PTPRJ: variants seen among roughly 807,000 people sequenced by gnomAD.
PTPRJ encodes protein tyrosine phosphatase receptor type J, also known as receptor-type tyrosine-protein phosphatase eta.
Under a neutral mutation model 141.3 loss-of-function variants are expected in PTPRJ, and 129 were observed. The observed-to-expected ratio is 0.91, with a 90% CI of 0.79 to 1.06. The LOEUF (loss-of-function observed/expected upper bound fraction) is 1.06, where lower values mean the gene tolerates loss of function less well. PTPRJ is among the 50% of genes least tolerant of loss of function. The probability of loss-of-function intolerance (pLI) is 0.00; values close to 1 mark genes in which losing one functional copy is unlikely to be tolerated. For synonymous variants in PTPRJ, 610 were observed against 640.5 expected (o/e 0.95, Z 0.72); for missense variants, 1,601 against 1,679.7 (o/e 0.95, Z 0.82).
At chr11:48,067,418 G>A (rs1169539609) in intron 1 of PTPRJ, among the ~76,000 whole-genome samples, 2 of 152,230 alleles carry the variant, frequency 1.3e-5, no homozygotes, top group African/African-American at 4.8e-5. Flanking sequence ...AGGACCTGGA[G>A]ATAGGATGTG....
At chr11:48,155,140 A>G (rs1857571394) in intron 19 of PTPRJ, among the ~76,000 whole-genome samples, 1 of 152,210 alleles carries the variant, frequency 6.6e-6, no homozygotes, top group African/African-American at 2.4e-5. Flanking sequence ...AATAATATTT[A>G]TAAAACATAA....
intron 7 of PTPRJ, among the ~76,000 whole-genome samples, chr11:48,128,652 G>A (rs1856899088): frequency 6.6e-6 from 1 of 152,154 alleles, no homozygotes; most frequent in Admixed American, 6.5e-5. Context: ...ACTGCATTTT[G>A]CACTGTGCCA....
chr11:47,990,933 C>T (rs1352233071), intron 1 of PTPRJ, among the ~76,000 whole-genome samples: 1 of 152,044 alleles, frequency 6.6e-6, no homozygotes, highest in Non-Finnish European at 1.5e-5. Flanking sequence ...CCCGCCTCAG[C>T]CTCCCAAAGT....
intron 1 of PTPRJ, among the ~76,000 whole-genome samples, chr11:48,054,896 C>T (rs1311293098): frequency 2.0e-5 from 3 of 151,134 alleles, no homozygotes; most frequent in African/African-American, 7.3e-5. Context: ...TATATAAAGC[C>T]GCTGGCAGCC....
chr11:48,109,874 C>T (rs1427691227), intron 1 of PTPRJ, among the ~76,000 whole-genome samples, 184 bp from the exon 2 acceptor site: 5 of 152,150 alleles, frequency 3.3e-5, no homozygotes, highest in South Asian at 2.1e-4. Context: ...TAATTGACCC[C>T]GAGGTTGCAA....
At chr11:48,044,228 G>A (rs1854336459) in intron 1 of PTPRJ, among the ~76,000 whole-genome samples, 1 of 152,226 alleles carries the variant, frequency 6.6e-6, no homozygotes, top group Non-Finnish European at 1.5e-5. Flanking sequence ...TGAGGCGTAT[G>A]TGCTTCATAT....
chr11:48,115,106 G>A (rs1856532657), intron 3 of PTPRJ, among the ~76,000 whole-genome samples: 1 of 152,084 alleles, frequency 6.6e-6, no homozygotes, highest in Admixed American at 6.5e-5. Flanking sequence ...TTCATCTAGG[G>A]GAAGAGAAAG....
chr11:48,068,803 C>G (rs546308194), intron 1 of PTPRJ, among the ~76,000 whole-genome samples: 1 of 152,338 alleles, frequency 6.6e-6, no homozygotes, highest in Non-Finnish European at 1.5e-5. Context: ...CCTCTCCTCC[C>G]TAATCCTCAC....
chr11:48,029,722 T>G (rs567541255), intron 1 of PTPRJ, among the ~76,000 whole-genome samples: 1 of 149,136 alleles, frequency 6.7e-6, no homozygotes, highest in African/African-American at 2.6e-5. Flanking sequence ...AGGTTAGATT[T>G]ATGGGTTTTT....
intron 1 of PTPRJ, among the ~76,000 whole-genome samples, chr11:48,094,304 C>T (rs765790822): frequency 5.3e-5 from 8 of 152,212 alleles, no homozygotes; most frequent in Non-Finnish European, 1.0e-4. Context: ...TTGCCAAAAC[C>T]ACCTTGCTGG....
intron 1 of PTPRJ, among the ~76,000 whole-genome samples, chr11:48,081,436 A>T (rs1374610627): frequency 1.3e-5 from 2 of 152,076 alleles, no homozygotes; most frequent in Non-Finnish European, 2.9e-5. Flanking sequence ...GGAGGAGAGG[A>T]AGCTCCATGT....
At chr11:48,160,355 T>C (rs551953443) in intron 22 of PTPRJ, among the ~76,000 whole-genome samples, 1 of 152,320 alleles carries the variant, frequency 6.6e-6, no homozygotes, top group South Asian at 2.1e-4. Context: ...GCTCATAGAT[T>C]TTACAGAACA....
chr11:47,996,414 A>G (rs1157935483), intron 1 of PTPRJ, among the ~76,000 whole-genome samples: 1 of 151,686 alleles, frequency 6.6e-6, no homozygotes, highest in Non-Finnish European at 1.5e-5. Flanking sequence ...GTCCAGTTCC[A>G]TGCTCTTCCC....
At chr11:48,021,896 C>A (rs1403836584) in intron 1 of PTPRJ, among the ~76,000 whole-genome samples, 1 of 152,108 alleles carries the variant, frequency 6.6e-6, no homozygotes, top group Non-Finnish European at 1.5e-5. Flanking sequence ...ATTGCCATTC[C>A]TGACCTAAGG....
chr11:48,018,876 G>C (rs1370158622), intron 1 of PTPRJ, among the ~76,000 whole-genome samples: 1 of 152,220 alleles, frequency 6.6e-6, no homozygotes, highest in East Asian at 1.9e-4. Context: ...GGGAGGGTTA[G>C]ATACCTGGGA....
At chr11:48,152,027 C>T (rs1378102861) in intron 18 of PTPRJ, among the ~76,000 whole-genome samples, 1 of 152,242 alleles carries the variant, frequency 6.6e-6, no homozygotes, top group Non-Finnish European at 1.5e-5. Flanking sequence ...ACCACATTGT[C>T]TTCCACAATG....
At chr11:48,142,887 G>T in intron 11 of PTPRJ, 32 bp from the exon 12 acceptor site, 1 of 1,594,806 alleles carries the variant, frequency 6.3e-7, no homozygotes, top group Non-Finnish European at 8.5e-7. Flanking sequence ...TTTCAATATT[G>T]GGTGATCATG....
Position 47,980,605 on chromosome 11 carries a change from G to GGAGCCGGGACCGGGTAGCCGCGC in PTPRJ, c.-306_-284dup, listed in dbSNP as rs1348785032. On this transcript the variant is annotated 5_prime_UTR_variant, in exon 1 of 25. The change creates a premature stop within an existing upstream ORF in the 5' untranslated region. Coordinates refer to ENST00000418331, the MANE Select transcript of PTPRJ (RefSeq NM_002843.4). ...GGAGGAGGCAGCGGGAGCAGCCGCG[G>GGAGCCGGGACCGGGTAGCCGCGC]GAGCCGGGACCGGGTAGCCGCGCGC... 42 of 983,378 alleles carry GGAGCCGGGACCGGGTAGCCGCGC rather than the reference G, an allele frequency of 4.3e-5. No homozygotes were observed. The highest frequency in any genetic ancestry group is 5.3e-5 in the African/African-American group (3 of 56,944). The allele number at this position is 983,378 out of a possible 1,614,324, so 60.9% of individuals were successfully genotyped here.
At chr11:48,060,963 A>G (rs1312390308) in intron 1 of PTPRJ, among the ~76,000 whole-genome samples, 1 of 152,178 alleles carries the variant, frequency 6.6e-6, no homozygotes, top group Non-Finnish European at 1.5e-5. Flanking sequence ...CATGGCGGAC[A>G]CTACTGGCTT....
Sources: gnomAD v4.1 joint callset for allele counts (sites outside exome capture counted in the v4.1 genomes callset) on GRCh38, gnomAD v4.1.1 for gene constraint, MANE v1.5 for transcripts, NCBI Gene and HGNC (gene_info 2026-07-23, HGNC 2026-07-21) for gene names.